The following KIAA1217 variants were observed in gnomAD, a reference collection of about 807,000 sequenced individuals.
The protein encoded by KIAA1217 is sickle tail protein homolog.
KIAA1217 carries 88 observed loss-of-function variants against 163.9 expected under a neutral mutation model. The observed-to-expected ratio is 0.54, with a 90% CI of 0.45 to 0.64. The LOEUF is 0.64. KIAA1217 is among the 30% of genes least tolerant of loss of function. The pLI is 0.00. For synonymous variants in KIAA1217, 903 were observed against 923.1 expected, an observed-to-expected ratio of 0.98 and a Z score of 0.39; for missense variants, 2,372 against 2,475.0, an observed-to-expected ratio of 0.96 and a Z score of 0.88.
At chr10:24,096,174 T>A (rs559999471) in intron 2 of KIAA1217, among the ~76,000 whole-genome samples, 1 of 152,230 alleles carries the variant, frequency 6.6e-6, no homozygotes, top group South Asian at 2.1e-4. Flanking sequence ...CTGCTTCTTT[T>A]TCTGGGTTCC....
chr10:24,188,353 C>T (rs2066539978), intron 2 of KIAA1217, among the ~76,000 whole-genome samples: 2 of 152,176 alleles, frequency 1.3e-5, no homozygotes, highest in African/African-American at 4.8e-5. Flanking sequence ...AAACATAAGC[C>T]ATAATACTAA....
intron 2 of KIAA1217, among the ~76,000 whole-genome samples, chr10:24,305,901 A>G (rs1444305336): frequency 1.3e-5 from 2 of 152,152 alleles, no homozygotes; most frequent in Non-Finnish European, 2.9e-5. Flanking sequence ...TCATTAGGAA[A>G]GAGAAAGAGA....
chr10:24,452,371 T>A (rs2061438309), intron 5 of KIAA1217, among the ~76,000 whole-genome samples: 1 of 152,016 alleles, frequency 6.6e-6, no homozygotes, highest in Non-Finnish European at 1.5e-5. Context: ...AGAAAAATCA[T>A]TTAGCAGGAA....
intron 2 of KIAA1217, among the ~76,000 whole-genome samples, chr10:24,184,659 G>A (rs2066336990): frequency 6.6e-6 from 1 of 152,188 alleles, no homozygotes; most frequent in South Asian, 2.1e-4. Flanking sequence ...CAGGATTCCA[G>A]CCCATGGGGA....
At chr10:23,749,782 A>G (rs1440385138) in intron 1 of KIAA1217, among the ~76,000 whole-genome samples, 1 of 152,180 alleles carries the variant, frequency 6.6e-6, no homozygotes, top group Non-Finnish European at 1.5e-5. Context: ...AATAATTTGC[A>G]TACAGATGTT....
In KIAA1217 at chr10:24,028,419, G is replaced by A. The variant is rs895029807; in HGVS notation, c.-171+21045G>A. 1.3e-5 allele frequency among the ~76,000 whole-genome samples: 2 copies of A among 151,828 alleles called. 1 individual carries two copies. The highest frequency in any genetic ancestry group is 1.3e-4 in the Admixed American group (2 of 15,236). ...TAAATCTCAAAAAACATAATGCCAA[G>A]CCTAAAAAAAGTCACAGAAGAATAA... On this transcript the variant is annotated intron_variant, in intron 2 of 18. Coordinates refer to the KIAA1217 transcript ENST00000376462.
At chr10:24,143,152 T>C (rs1208265522) in intron 2 of KIAA1217, among the ~76,000 whole-genome samples, 1 of 152,176 alleles carries the variant, frequency 6.6e-6, no homozygotes, top group Admixed American at 6.5e-5. Flanking sequence ...CATTTCTGCA[T>C]AGAAATCTCA....
chr10:23,733,581 T>C (rs747190099), intron 1 of KIAA1217, among the ~76,000 whole-genome samples: 5 of 152,156 alleles, frequency 3.3e-5, no homozygotes, highest in Non-Finnish European at 5.9e-5. Context: ...ATAGTTGTTA[T>C]GCTGTGTTTG....
intron 2 of KIAA1217, among the ~76,000 whole-genome samples, chr10:24,164,179 T>C (rs539700372): frequency 3.9e-5 from 6 of 152,238 alleles, no homozygotes; most frequent in African/African-American, 1.2e-4. Flanking sequence ...ACTTCTAAGA[T>C]GAGAATAGGA....
intron 3 of KIAA1217, among the ~76,000 whole-genome samples, chr10:24,390,162 A>G (rs2054655199): frequency 6.6e-6 from 1 of 152,140 alleles, no homozygotes; most frequent in East Asian, 1.9e-4. Context: ...CTGACTGCAC[A>G]GGGGCCTAAC....
intron 2 of KIAA1217, among the ~76,000 whole-genome samples, chr10:24,263,277 A>G (rs1022659038): frequency 2.0e-5 from 3 of 152,204 alleles, no homozygotes; most frequent in African/African-American, 7.2e-5. Context: ...GTTGGTAGCT[A>G]AGGGAAGCGT....
At position 23,991,217 on chromosome 10, in the gene KIAA1217, C is replaced by G. The variant is rs918218456; in HGVS notation, c.-320-16008C>G. Among the ~76,000 whole-genome samples, 5 of 152,224 alleles carry G rather than the reference C, an allele frequency of 3.3e-5. No individual in the cohort carries two copies. The South Asian group carries it at 1.0e-3, about 32-fold the overall frequency. ...GGTCTACAGCAAAATGCAGCTCAGG[C>G]CCTGCTCCCATGCAGCCACTTGAAC... On this transcript the variant is annotated intron_variant, in intron 1 of 18. Coordinates refer to the KIAA1217 transcript ENST00000376462.
chr10:23,825,886 C>T (rs2131026342), intron 1 of KIAA1217, among the ~76,000 whole-genome samples: 1 of 152,212 alleles, frequency 6.6e-6, no homozygotes, highest in South Asian at 2.1e-4. Flanking sequence ...TTTTTATGGG[C>T]AAAATGGGGT....
intron 2 of KIAA1217, among the ~76,000 whole-genome samples, chr10:24,031,029 G>A (rs1322925231): frequency 6.6e-6 from 1 of 151,824 alleles, no homozygotes; most frequent in Non-Finnish European, 1.5e-5. Context: ...TTCATTTTTT[G>A]GGGGGTATAT....
intron 1 of KIAA1217, among the ~76,000 whole-genome samples, chr10:23,898,183 G>A (rs1294849745): frequency 1.3e-5 from 2 of 151,908 alleles, no homozygotes; most frequent in South Asian, 2.1e-4. Flanking sequence ...TATTGTGAAC[G>A]GAGTGACTTT....
At chr10:24,119,903 C>T (rs1247377274) in intron 2 of KIAA1217, among the ~76,000 whole-genome samples, 2 of 152,180 alleles carry the variant, frequency 1.3e-5, no homozygotes, top group African/African-American at 4.8e-5. Context: ...GTCACAAAAG[C>T]CATCACCTGT....
At chr10:23,783,754 G>T (rs1300726602) in intron 1 of KIAA1217, among the ~76,000 whole-genome samples, 3 of 151,918 alleles carry the variant, frequency 2.0e-5, no homozygotes, top group African/African-American at 7.2e-5. Context: ...CTATTGATTT[G>T]TTCGGGCTTT....
Position 24,536,327 on chromosome 10 carries a change from T to C in KIAA1217, c.3415-447T>C, listed in dbSNP as rs138150605. On this transcript the variant is annotated intron_variant, in intron 16 of 20. Transcript: ENST00000376454. ...AGAAGGATTGCTAAGAGTACTTTTATTGTAAGACTTAAAGGTTTAAAACGT... is the reference window on the plus strand; with the variant it reads ...AGAAGGATTGCTAAGAGTACTTTTACTGTAAGACTTAAAGGTTTAAAACGT... Among the ~76,000 whole-genome samples the C allele has an allele frequency of 9.5e-3, 1,448 of 152,324 alleles. 12 individuals are homozygous for C. Among genetic ancestry groups the C allele is most frequent in the Non-Finnish European group, 0.014 (983 of 68,024 alleles).
intron 1 of KIAA1217, among the ~76,000 whole-genome samples, chr10:23,849,306 C>T (rs1172704054): frequency 6.6e-6 from 1 of 152,132 alleles, no homozygotes; most frequent in African/African-American, 2.4e-5. Flanking sequence ...TTTTTACTTA[C>T]ATAAGCAATC....
Sources: gnomAD v4.1 joint callset for allele counts (sites outside exome capture counted in the v4.1 genomes callset) on GRCh38, gnomAD v4.1.1 for gene constraint, MANE v1.5 for transcripts, NCBI Gene and HGNC (gene_info 2026-07-23, HGNC 2026-07-21) for gene names.